Variants in BRIP1 observed in about 807,000 individuals in gnomAD.
BRIP1 encodes the protein BRCA1 interacting DNA helicase 1, also known as Fanconi anemia group J protein.
Under a neutral mutation model 119.7 loss-of-function variants are expected in BRIP1, and 88 were observed. The ratio of observed to expected loss-of-function variants is 0.74; its 90% CI spans 0.62 to 0.88. The LOEUF (loss-of-function observed/expected upper bound fraction) is 0.88, where lower values mean the gene tolerates loss of function less well. BRIP1 is among the 40% of genes least tolerant of loss of function. The probability of loss-of-function intolerance (pLI) is 0.00; values close to 1 mark genes in which losing one functional copy is unlikely to be tolerated. For synonymous variants in BRIP1, 443 were observed against 496.5 expected (o/e 0.89, Z 1.43); for missense variants, 1,259 against 1,455.4 (o/e 0.87, Z 2.20).
Position 61,800,130 on chromosome 17 carries a change from C to A in BRIP1, c.1141-831G>T, listed in dbSNP as rs375331140. ...TTTGTTCCATAAGCAAGAGTGAGAA[C>A]TTGCCTGAGAATAAAGCCATCACAA... On this transcript the variant is annotated intron_variant, in intron 8 of 19. Coordinates refer to ENST00000259008, the MANE Select transcript of BRIP1 (RefSeq NM_032043.3). Among the ~76,000 whole-genome samples the A allele has an allele frequency of 1.2e-4, 19 of 152,258 alleles. No homozygotes were observed. In the South Asian group the frequency reaches 2.3e-3, roughly 18 times the overall value.
rs1047764833 is a variant in BRIP1, at chr17:61,744,213, C to T, written c.2257+219G>A. ...ACTGAAGACTGTGAGATGATGGCAT[C>T]GTTTTTCTTAAAGTTGAATCAGCAT... is the stretch of plus-strand genomic sequence containing the variant. On this transcript the variant is annotated intron_variant, in intron 15 of 19. Coordinates refer to ENST00000259008, the MANE Select transcript of BRIP1 (RefSeq NM_032043.3). This position sits in a 1 kb window ranked among gnomAD's most constrained non-coding sequence, Gnocchi z 5.0. 2.0e-5 allele frequency among the ~76,000 whole-genome samples: 3 copies of T among 152,026 alleles called. No homozygotes were observed. The highest frequency in any genetic ancestry group is 6.6e-5 in the Admixed American group (1 of 15,234).
rs1379372507 is a variant in BRIP1 at position 61,709,099 on chromosome 17, G to C, written c.2492+6852C>G. Among the ~76,000 whole-genome samples, 1 of 152,162 alleles carries C rather than the reference G, an allele frequency of 6.6e-6. No individual in the cohort carries two copies. Among genetic ancestry groups the C allele is most frequent in the Non-Finnish European group, 1.5e-5 (1 of 68,038 alleles). On this transcript the variant is annotated intron_variant, in intron 17 of 19. Transcript: ENST00000259008. The surrounding 1 kb of genome is among the most constrained non-coding windows in gnomAD (Gnocchi z 5.0). Reference sequence around the variant, plus strand: ...ATACTAATTTGCAACCAAGCCACCTGTTTTTAAACCTTACTTTCATTGACA... The same window carrying C: ...ATACTAATTTGCAACCAAGCCACCTCTTTTTAAACCTTACTTTCATTGACA...
In BRIP1 at chr17:61,812,714, T is replaced by C. The variant is rs1037551618; in HGVS notation, c.628-3957A>G. ...AATCTACAATTATCAAAACTGTTCTTAGAACATCAGCAACCAAGGATTTTC... is the reference window on the plus strand; with the variant it reads ...AATCTACAATTATCAAAACTGTTCTCAGAACATCAGCAACCAAGGATTTTC... On this transcript the variant is annotated intron_variant, in intron 6 of 19. Coordinates refer to ENST00000259008, the MANE Select transcript of BRIP1 (RefSeq NM_032043.3). Among the ~76,000 whole-genome samples the C allele has an allele frequency of 2.0e-5, 3 of 152,156 alleles. No homozygotes were observed. In the South Asian group the frequency reaches 6.2e-4, roughly 32 times the overall value.
At position 61,862,332 on chromosome 17, in the gene BRIP1, G is replaced by A. The variant is rs2078984006; in HGVS notation, c.-30-763C>T. On this transcript the variant is annotated intron_variant, in intron 1 of 19. Coordinates refer to ENST00000259008, the MANE Select transcript of BRIP1 (RefSeq NM_032043.3). This position sits in a 1 kb window ranked among gnomAD's most constrained non-coding sequence, Gnocchi z 5.3. ...AGAAACAGGATGGGCTTTGGAGTAA[G>A]GCAATCCTAAGTTTGAATTCCACTG... 6.6e-6 allele frequency among the ~76,000 whole-genome samples: 1 copy of A among 152,214 alleles called. No homozygotes were observed. Among genetic ancestry groups the A allele is most frequent in the Non-Finnish European group, 1.5e-5 (1 of 68,026 alleles).
rs777367075 is a variant in BRIP1 at position 61,683,520 on chromosome 17, T to TA, written c.3525dup (p.Ile1176TyrfsTer13). On this transcript the variant is annotated frameshift_variant, in exon 20 of 20. Coordinates refer to ENST00000259008, the MANE Select transcript of BRIP1 (RefSeq NM_032043.3). LOFTEE classifies it low-confidence loss of function (END_TRUNC). This position sits in a 1 kb window ranked among gnomAD's most constrained non-coding sequence, Gnocchi z 4.7. The stretch of plus-strand genomic sequence containing the variant: ...TCTCTGGCTGAATCTACTTCTTTTA[T>TA]AGTTCTAATTTCAAAAAGGTCTTTA... The TA allele has an allele frequency of 2.5e-6, 4 of 1,613,478 alleles. No homozygotes were observed. The highest frequency in any genetic ancestry group is 1.7e-5 in the Admixed American group (1 of 60,000).
chr17:61,782,480 GCAA>G (rs1356899137), intron 11 of BRIP1, among the ~76,000 whole-genome samples: 2 of 151,566 alleles, frequency 1.3e-5, no homozygotes, highest in Admixed American at 6.6e-5. Flanking sequence ...AAAAGTACAG[GCAA>G]CAACAAGAAA....
rs1436865099 is a variant in BRIP1 at position 61,844,516 on chromosome 17, G to A, written c.627+2585C>T. Among the ~76,000 whole-genome samples, 1 of 152,158 alleles carries A rather than the reference G, an allele frequency of 6.6e-6. No homozygotes were observed. Among genetic ancestry groups the A allele is most frequent in the Non-Finnish European group, 1.5e-5 (1 of 68,040 alleles). On this transcript the variant is annotated intron_variant, in intron 6 of 19. Coordinates refer to ENST00000259008, the MANE Select transcript of BRIP1 (RefSeq NM_032043.3). This position sits in a 1 kb window ranked among gnomAD's most constrained non-coding sequence, Gnocchi z 4.7. Reference sequence around the variant, plus strand: ...GGGGTTGGAGGATCACTTGAGCCTGGGATTTTGAGGTTACAGTGGGCTATG... The same window carrying A: ...GGGGTTGGAGGATCACTTGAGCCTGAGATTTTGAGGTTACAGTGGGCTATG...
intron 10 of BRIP1, among the ~76,000 whole-genome samples, chr17:61,787,286 A>G (rs1462428970): frequency 8.6e-5 from 8 of 93,136 alleles, no homozygotes; most frequent in African/African-American, 3.0e-4. Context: ...TATATTATAT[A>G]CTATATAAAA....
intron 7 of BRIP1, among the ~76,000 whole-genome samples, chr17:61,801,920 G>T (rs1252796674): frequency 6.6e-6 from 1 of 152,004 alleles, no homozygotes; most frequent in Non-Finnish European, 1.5e-5. Context: ...TCAACTTTGA[G>T]CCATGTGATA....
chr17:61,781,562 A>C (rs1187694311), intron 11 of BRIP1, among the ~76,000 whole-genome samples: 2 of 152,170 alleles, frequency 1.3e-5, no homozygotes. Flanking sequence ...GAACCAGATG[A>C]TATCTGTGAT....
rs2061262997 is a variant in BRIP1 at position 61,681,026 on chromosome 17, A to G, written c.*2270T>C. On this transcript the variant is annotated 3_prime_UTR_variant, in exon 20 of 20. Coordinates refer to ENST00000259008, the MANE Select transcript of BRIP1 (RefSeq NM_032043.3). This position sits in a 1 kb window ranked among gnomAD's most constrained non-coding sequence, Gnocchi z 5.1. ...GGAAGGCAACTTTTCACAGGGCAGCAGGAGAGAAGAATGAGAGTGAAGCAG... is the reference window on the plus strand; with the variant it reads ...GGAAGGCAACTTTTCACAGGGCAGCGGGAGAGAAGAATGAGAGTGAAGCAG... Among the ~76,000 whole-genome samples, 1 of 152,176 alleles carries G rather than the reference A, an allele frequency of 6.6e-6. No homozygotes were observed. The highest frequency in any genetic ancestry group is 2.4e-5 in the African/African-American group (1 of 41,436).
intron 16 of BRIP1, among the ~76,000 whole-genome samples, chr17:61,732,925 C>A (rs983225347): frequency 1.3e-5 from 2 of 152,152 alleles, no homozygotes; most frequent in African/African-American, 4.8e-5. Flanking sequence ...AACTCCTGAC[C>A]TCAAATGATC....
At chr17:61,731,117 G>C (rs1315940165) in intron 16 of BRIP1, among the ~76,000 whole-genome samples, 1 of 151,138 alleles carries the variant, frequency 6.6e-6, no homozygotes, top group Non-Finnish European at 1.5e-5. Flanking sequence ...ATACTCTGAG[G>C]AGGAAAAAAA....
intron 6 of BRIP1, among the ~76,000 whole-genome samples, chr17:61,811,329 G>A (rs918245754): frequency 6.6e-6 from 1 of 151,766 alleles, no homozygotes; most frequent in Admixed American, 6.6e-5. Context: ...GTTCCAGCAA[G>A]TCTCCTGCCT....
In BRIP1 at chr17:61,852,561, A is replaced by G. The variant is rs938217617; in HGVS notation, c.380-3305T>C. 5.9e-5 allele frequency among the ~76,000 whole-genome samples: 9 copies of G among 152,106 alleles called. No homozygotes were observed. Among genetic ancestry groups the G allele is most frequent in the African/African-American group, 2.2e-4 (9 of 41,428 alleles). ...CAGGTGCCTGTAATCCCAGCTACTC[A>G]GGAGGTTGAAGCAGGAGAATTGCTT... On this transcript the variant is annotated intron_variant, in intron 4 of 19. Coordinates refer to ENST00000259008, the MANE Select transcript of BRIP1 (RefSeq NM_032043.3). The surrounding 1 kb of genome is among the most constrained non-coding windows in gnomAD (Gnocchi z 4.9).
rs1290588488 is a variant in BRIP1, at chr17:61,751,702, A to G, written c.2098-7111T>C. 2.6e-5 allele frequency among the ~76,000 whole-genome samples: 4 copies of G among 152,214 alleles called. No individual in the cohort carries two copies. The highest frequency in any genetic ancestry group is 4.4e-5 in the Non-Finnish European group (3 of 68,030). On this transcript the variant is annotated intron_variant, in intron 14 of 19. Transcript: ENST00000259008. This position sits in a 1 kb window ranked among gnomAD's most constrained non-coding sequence, Gnocchi z 6.7. ...AATATGTTCTTTGAGAAAAATATAT[A>G]TAACTTTAAAAAACTCATGAAACTA...
chr17:61,786,644 A>C (rs887909695), intron 10 of BRIP1, among the ~76,000 whole-genome samples: 14 of 145,638 alleles, frequency 9.6e-5, no homozygotes, highest in African/African-American at 3.2e-4. Flanking sequence ...TAATTTTTTA[A>C]TTTAATTAAC....
intron 11 of BRIP1, 24 bp downstream of exon 11, chr17:61,784,243 AAAT>A: frequency 2.5e-6 from 4 of 1,599,738 alleles, no homozygotes; most frequent in Non-Finnish European, 3.4e-6. Context: ...TTTAAAAGGA[AAAT>A]ACATACTAGT....
rs558373252 is a variant in BRIP1, at chr17:61,824,743, A to T, written c.628-15986T>A. Reference sequence around the variant, plus strand: ...GATAAAAAATGGACTTCATGAGATAAATTGGACTCATGAAAATTAAAAACG... The same window carrying T: ...GATAAAAAATGGACTTCATGAGATATATTGGACTCATGAAAATTAAAAACG... On this transcript the variant is annotated intron_variant, in intron 6 of 19. Coordinates refer to ENST00000259008, the MANE Select transcript of BRIP1 (RefSeq NM_032043.3). This position sits in a 1 kb window ranked among gnomAD's most constrained non-coding sequence, Gnocchi z 4.3. Among the ~76,000 whole-genome samples the T allele has an allele frequency of 4.6e-5, 7 of 152,238 alleles. No homozygotes were observed. Among genetic ancestry groups the T allele is most frequent in the Non-Finnish European group, 7.3e-5 (5 of 68,040 alleles).
Sources: allele counts gnomAD v4.1 joint callset (sites outside exome capture counted in the v4.1 genomes callset), GRCh38; gene constraint gnomAD v4.1.1; non-coding constraint Gnocchi (gnomAD v3.1); transcripts MANE v1.5; gene names NCBI Gene and HGNC (gene_info 2026-07-23, HGNC 2026-07-21).